NLRP8: variants seen among roughly 807,000 people sequenced by gnomAD.
The protein encoded by NLRP8 is NLR family pyrin domain containing 8.
In NLRP8, 86 loss-of-function variants were observed where a neutral mutation model predicts 88.7. The observed-to-expected ratio is 0.97, with a 90% CI of 0.81 to 1.16. The LOEUF (loss-of-function observed/expected upper bound fraction) is 1.16. NLRP8 is among the 50% of genes most tolerant of loss of function. The pLI is 0.00. For missense variants in NLRP8, 1,342 were observed against 1,286.5 expected, an observed-to-expected ratio of 1.04 and a Z score of -0.66; for synonymous variants, 504 against 494.6, an observed-to-expected ratio of 1.02 and a Z score of -0.25.
intron 1 of NLRP8, 69 bp downstream of exon 1, chr19:55,948,338 C>A (rs1466189945): frequency 8.1e-6 from 12 of 1,489,508 alleles, no homozygotes; most frequent in Non-Finnish European, 1.1e-5. Context: ...ACTCTAGTCA[C>A]CACCCCTATC....
chr19:55,955,453 G>T lies in NLRP8; in HGVS notation c.1395G>T (p.Arg465Ser). 6.2e-7 allele frequency: 1 copy of T among 1,614,242 alleles called. No individual in the cohort carries two copies. Among genetic ancestry groups the T allele is most frequent in the Non-Finnish European group, 8.5e-7 (1 of 1,180,032 alleles). ...TGGCCGCAGACAGCATGTGGCACAGGAAATGGGTGTTAGGTAAAGAAGATC... is the reference window on the plus strand; with the variant it reads ...TGGCCGCAGACAGCATGTGGCACAGTAAATGGGTGTTAGGTAAAGAAGATC... Residue 465 changes from arginine to serine, a missense_variant, in exon 3 of 10, where the codon AGG becomes AGT. Transcript: ENST00000291971.
At chr19:55,954,342 TC>T (rs1351160546) in intron 2 of NLRP8, among the ~76,000 whole-genome samples, 158 bp from the exon 3 acceptor site, 8 of 152,184 alleles carry the variant, frequency 5.3e-5, no homozygotes, top group Non-Finnish European at 8.8e-5. Context: ...CGTTGGTGCT[TC>T]CTAGTTGACA....
At chr19:55,972,249 G>A (rs1335772622) in intron 6 of NLRP8, among the ~76,000 whole-genome samples, 1 of 151,410 alleles carries the variant, frequency 6.6e-6, no homozygotes, top group African/African-American at 2.4e-5. Context: ...TGAGTAGCTG[G>A]GATTACAGGT....
At chr19:55,960,867 C>A (rs1466427247) in intron 3 of NLRP8, among the ~76,000 whole-genome samples, 1 of 147,280 alleles carries the variant, frequency 6.8e-6, no homozygotes, top group Non-Finnish European at 1.5e-5. Flanking sequence ...TCCCCCTTGA[C>A]ATACTTTTGG....
intron 4 of NLRP8, among the ~76,000 whole-genome samples, chr19:55,964,503 G>A (rs548187557): frequency 1.1e-3 from 162 of 152,320 alleles, no homozygotes; most frequent in Non-Finnish European, 2.0e-3. Context: ...GGTAATCCCA[G>A]CGCTTTGGGA....
intron 9 of NLRP8, among the ~76,000 whole-genome samples, chr19:55,986,115 A>C (rs926639679): frequency 6.6e-6 from 1 of 152,206 alleles, no homozygotes; most frequent in African/African-American, 2.4e-5. Flanking sequence ...TATTCAAGGC[A>C]ATGGATGTGT....
Position 55,952,560 on chromosome 19 carries a change from A to G in NLRP8, c.390A>G (p.Pro130=), listed in dbSNP as rs150577557. 446 of 1,614,040 alleles carry G rather than the reference A, an allele frequency of 2.8e-4. 1 individual carries two copies. In the African/African-American group the frequency reaches 5.1e-3, roughly 18 times the overall value. ...CAGCCATTCTGCCTACCTTGGAACC[A>G]GAGGACTTGAATGTGGGAGAAACAC... The change falls in exon 2 of 10, where the codon CCA becomes CCG. Residue 130 remains proline, a synonymous_variant. Coordinates refer to ENST00000291971, the MANE Select transcript of NLRP8 (RefSeq NM_176811.2).
Position 55,954,597 on chromosome 19 carries a change from A to G in NLRP8, c.539A>G (p.Gln180Arg), listed in dbSNP as rs2123187496. 2 of 1,614,222 alleles carry G rather than the reference A, an allele frequency of 1.2e-6. No individual in the cohort carries two copies. Among genetic ancestry groups the G allele is most frequent in the Non-Finnish European group, 1.7e-6 (2 of 1,180,026 alleles). ...GGAAACCAGAGGGACTTCTTCTACCAAGGTGTACACAGGCACGAGGAGTAC... is the reference window on the plus strand; with the variant it reads ...GGAAACCAGAGGGACTTCTTCTACCGAGGTGTACACAGGCACGAGGAGTAC... The change falls in exon 3 of 10, where the codon CAA (glutamine) becomes CGA (arginine). Residue 180 changes from glutamine (Q) to arginine (R), a missense_variant. Gln to Arg is a conservative substitution (Grantham distance 43). Transcript: ENST00000291971.
intron 9 of NLRP8, among the ~76,000 whole-genome samples, chr19:55,986,158 T>C (rs1303257337): frequency 2.6e-5 from 4 of 152,122 alleles, no homozygotes; most frequent in Non-Finnish European, 5.9e-5. Flanking sequence ...TGACATTGTA[T>C]ACATAGAAGA....
chr19:55,957,673 TTATATATATATATATATA>T (rs10523999), intron 3 of NLRP8, among the ~76,000 whole-genome samples: 148 of 31,192 alleles, frequency 4.7e-3, no homozygotes, highest in South Asian at 0.019. Flanking sequence ...AAAATAATAA[TTATATATATATATATATA>T]TATATATATA....
intron 8 of NLRP8, 60 bp downstream of exon 8, chr19:55,976,363 G>C: frequency 7.2e-7 from 1 of 1,390,894 alleles, no homozygotes; most frequent in Non-Finnish European, 9.6e-7. Flanking sequence ...GCGTCTCTCA[G>C]GATGGAATAT....
chr19:55,966,541 G>A (rs1458356398), intron 5 of NLRP8, among the ~76,000 whole-genome samples, 161 bp downstream of exon 5: 2 of 152,214 alleles, frequency 1.3e-5, no homozygotes, highest in African/African-American at 2.4e-5. Flanking sequence ...GGTGGCTCAC[G>A]ACTGTAATCC....
At position 55,955,760 on chromosome 19, in the gene NLRP8, G is replaced by A. The variant is rs1343175963; in HGVS notation, c.1702G>A (p.Ala568Thr). 2 of 1,614,152 alleles carry A rather than the reference G, an allele frequency of 1.2e-6. No individual in the cohort carries two copies. Among genetic ancestry groups the A allele is most frequent in the South Asian group, 1.1e-5 (1 of 91,076 alleles). ...ATTCGGTTTTCTGAACGAGGCCTGCGCTTCGGCCGTGGAACAGTCATTCCA... is the reference window on the plus strand; with the variant it reads ...ATTCGGTTTTCTGAACGAGGCCTGCACTTCGGCCGTGGAACAGTCATTCCA... The change falls in exon 3 of 10, where the codon GCT (alanine) becomes ACT (threonine). Residue 568 changes from alanine to threonine, a missense_variant. Physicochemically the swap from Ala to Thr is moderately conservative, Grantham distance 58. Transcript: ENST00000291971.
Position 55,988,144 on chromosome 19 carries a change from C to T in NLRP8, c.*231C>T. The T allele has an allele frequency of 2.8e-6, 1 of 351,390 alleles. No individual in the cohort carries two copies. The highest frequency in any genetic ancestry group is 5.3e-6 in the Non-Finnish European group (1 of 189,192). The allele number at this position is 351,390 out of a possible 1,614,324, so 21.8% of individuals were successfully genotyped here. A position where few individuals can be genotyped will look rare whatever the true frequency, so the allele number is the denominator to read the frequency against. ...GTGGTGGCTCACGCCTGTAACCCAG[C>T]ACTATGGGAGGTCGAGGTGGGCAGA... On this transcript the variant is annotated 3_prime_UTR_variant, in exon 10 of 10. Transcript: ENST00000291971.
At chr19:55,956,540 G>A (rs10414126) in intron 3 of NLRP8, among the ~76,000 whole-genome samples, 3,456 of 151,906 alleles carry the variant, frequency 0.023, 112 homozygotes, top group East Asian at 0.06. Context: ...CATCGCACGC[G>A]GCCAGTACTT....
intron 1 of NLRP8, among the ~76,000 whole-genome samples, chr19:55,950,692 C>T (rs545668507): frequency 1.2e-4 from 19 of 152,184 alleles, no homozygotes; most frequent in Admixed American, 9.2e-4. Context: ...CTATGTGGTG[C>T]CACACTTTTG....
intron 9 of NLRP8, among the ~76,000 whole-genome samples, chr19:55,986,316 T>TCA (rs754944150): frequency 9.9e-5 from 14 of 142,060 alleles, no homozygotes; most frequent in East Asian, 4.6e-4. Flanking sequence ...ACACAGTCTC[T>TCA]CACACACACA....
chr19:55,955,538 C>A lies in NLRP8; in HGVS notation c.1480C>A (p.Arg494=). The A allele has an allele frequency of 6.2e-7, 1 of 1,614,150 alleles. No individual in the cohort carries two copies. The highest frequency in any genetic ancestry group is 8.5e-7 in the Non-Finnish European group (1 of 1,180,036). ...CGCCTTCCTTGGCATGAGTATTCTT[C>A]GGAGAATTGCAGGTGAGGAAGACCA... The change falls in exon 3 of 10, where the codon CGG becomes AGG. Residue 494 remains arginine (R), a synonymous_variant. Transcript: ENST00000291971.
At chr19:55,975,765 G>T (rs1358559331) in intron 7 of NLRP8, among the ~76,000 whole-genome samples, 1 of 150,716 alleles carries the variant, frequency 6.6e-6, no homozygotes, top group Admixed American at 6.6e-5. Flanking sequence ...TGGTGTTAGG[G>T]TTGGGGTGGG....
Sources: allele counts gnomAD v4.1 joint callset (sites outside exome capture counted in the v4.1 genomes callset), GRCh38; gene constraint gnomAD v4.1.1; transcripts MANE v1.5; gene names NCBI Gene and HGNC (gene_info 2026-07-23, HGNC 2026-07-21).